TLE5: variants seen among roughly 807,000 people sequenced by gnomAD.
TLE5 encodes TLE family member 5.
Under a neutral mutation model 25.8 loss-of-function variants are expected in TLE5, and 7 were observed. The observed-to-expected ratio is 0.27, with a 90% CI of 0.15 to 0.51. The LOEUF is 0.51. TLE5 is among the 20% of genes least tolerant of loss of function. The pLI, the probability that TLE5 is intolerant of heterozygous loss-of-function variation, is 0.97. For missense variants in TLE5, 149 were observed against 250.7 expected (o/e 0.59, Z 2.74); for synonymous variants, 132 against 110.5 (o/e 1.20, Z -1.22).
At position 3,062,301 on chromosome 19, in the gene TLE5, G is replaced by A. The variant is rs907736672; in HGVS notation, c.-101C>T. The A allele has an allele frequency of 2.0e-6, 2 of 983,084 alleles. No individual in the cohort carries two copies. Among genetic ancestry groups the A allele is most frequent in the African/African-American group, 3.5e-5 (2 of 56,426 alleles). The allele number at this position is 983,084 out of a possible 1,614,324, so 60.9% of individuals were successfully genotyped here. On this transcript the variant is annotated 5_prime_UTR_variant, in exon 1 of 7. Transcript: ENST00000327141. ...CGCGCCTTTGTCCCGGCGCCGATCG[G>A]CAGCTCCCGGGGCCGCCGCCGCCTC...
chr19:3,056,338 CG>C lies in TLE5; in HGVS notation c.207del (p.Tyr69Ter). On this transcript the variant is annotated frameshift_variant, in exon 4 of 7. Transcript: ENST00000327141. LOFTEE classifies it high-confidence loss of function. ...RHYVMYYEMS[Y>X]GLNIEMHKQA... ...TGTTTGTGCATCTCGATGTTCAAGC[CG>C]TAGGACATCTCGTAGTACTGTATGG... is the stretch of plus-strand genomic sequence containing the variant. The C allele has an allele frequency of 6.6e-7, 1 of 1,519,530 alleles. No individual in the cohort carries two copies. The highest frequency in any genetic ancestry group is 8.8e-7 in the Non-Finnish European group (1 of 1,134,664). The allele number at this position is 1,519,530 out of a possible 1,614,324, so 94.1% of individuals were successfully genotyped here.
chr19:3,054,086 T>TCGGGGGGGGGGCGCC, intron 6 of TLE5, 34 bp downstream of exon 6: 1 of 1,512,808 alleles, frequency 6.6e-7, no homozygotes, highest in Non-Finnish European at 8.9e-7. Flanking sequence ...GGCCCACCTG[T>TCGGGGGGGGGGCGCC]CCCCCGCCCA....
rs548843845 is a variant in TLE5, at chr19:3,055,947, G to T, written c.235-221C>A. ...CACCGGCTGTCGCCTGCAGCTTAGA[G>T]TGAGGTAAGTGCAGGATGAGGCCAG... On this transcript the variant is annotated intron_variant, in intron 4 of 6. Transcript: ENST00000327141. The T allele has an allele frequency of 2.6e-5, 14 of 541,742 alleles. 2 individuals are homozygous for T. In the South Asian group the frequency reaches 3.7e-4, roughly 14 times the overall value. The allele number at this position is 541,742 out of a possible 1,614,324, so 33.6% of individuals were successfully genotyped here.
chr19:3,062,641 G>C (rs1023714098), upstream of TLE5: 7 of 1,203,426 alleles, frequency 5.8e-6, no homozygotes, highest in African/African-American at 9.5e-5. Flanking sequence ...GCCCGCCGCG[G>C]TGACCTTGGG....
chr19:3,058,320 CCTT>C (rs1305242429), intron 2 of TLE5, among the ~76,000 whole-genome samples: 21 of 152,160 alleles, frequency 1.4e-4, no homozygotes, highest in Non-Finnish European at 5.9e-5. Context: ...TTGTCACGCT[CCTT>C]TTATAGATGA....
intron 4 of TLE5, chr19:3,055,933 G>A (rs1487389823): frequency 2.9e-5 from 16 of 547,274 alleles, no homozygotes; most frequent in Non-Finnish European, 4.8e-5. Flanking sequence ...ACCGGCTGTC[G>A]CCTGCAGCTT....
chr19:3,060,272 C>T (rs1396478603), intron 2 of TLE5, among the ~76,000 whole-genome samples: 3 of 151,610 alleles, frequency 2.0e-5, no homozygotes, highest in Non-Finnish European at 2.9e-5. Context: ...ATGCTATGGA[C>T]ACCCCCGAGG....
At position 3,053,796 on chromosome 19, in the gene TLE5, A is replaced by T. The variant is rs146324597; in HGVS notation, c.*23T>A. 1,178 of 1,583,232 alleles carry T rather than the reference A, an allele frequency of 7.4e-4. 3 individuals carry two copies. The highest frequency in any genetic ancestry group is 8.9e-4 in the Non-Finnish European group (1,029 of 1,154,834). On this transcript the variant is annotated 3_prime_UTR_variant, in exon 7 of 7. Transcript: ENST00000327141. ...CTGTCTCCCCTCTGTCCCCCCTCCC[A>T]ACCTCCCTGTCCCGGCCCCCTGCTA...
rs425485 is a variant in TLE5 at position 3,053,804 on chromosome 19, T to C, written c.*15A>G. 1,100,372 of 1,605,634 alleles carry C rather than the reference T, an allele frequency of 0.69. 382,896 individuals are homozygous for C. The highest frequency in any genetic ancestry group is 0.81 in the African/African-American group (60,334 of 74,888). ...CCTCTGTCCCCCCTCCCAACCTCCC[T>C]GTCCCGGCCCCCTGCTAATCCGACT... On this transcript the variant is annotated 3_prime_UTR_variant, in exon 7 of 7. Transcript: ENST00000327141.
At chr19:3,056,673 G>A in intron 3 of TLE5, 1 of 559,140 alleles carries the variant, frequency 1.8e-6, no homozygotes, top group Non-Finnish European at 3.4e-6. Flanking sequence ...CGCATTCCAG[G>A]GCTCCTAATC....
rs1258783953 is a variant in TLE5 at position 3,055,987 on chromosome 19, G to C, written c.235-261C>G. The C allele has an allele frequency of 7.7e-6, 4 of 522,678 alleles. No homozygotes were observed. In the Admixed American group the frequency reaches 1.4e-4, roughly 18 times the overall value. The allele number at this position is 522,678 out of a possible 1,614,324, so 32.4% of individuals were successfully genotyped here. The stretch of plus-strand genomic sequence containing the variant: ...GATGAGGCCAGACTGCACATTCCTC[G>C]GGGGTCGGCCACTCAGGCCCCTGGC... On this transcript the variant is annotated intron_variant, in intron 4 of 6. Transcript: ENST00000327141.
intron 5 of TLE5, chr19:3,055,144 CCT>C (rs1346251754): frequency 6.6e-6 from 1 of 152,458 alleles, no homozygotes; most frequent in Non-Finnish European, 1.5e-5. Context: ...CATGCGTGTC[CCT>C]GTGCTGTCTG....
At chr19:3,060,328 CTTTTTTTTTTTTTTTTT>C (rs990199468) in intron 2 of TLE5, among the ~76,000 whole-genome samples, 2 of 93,216 alleles carry the variant, frequency 2.1e-5, no homozygotes, top group Admixed American at 2.6e-4. Flanking sequence ...TTTTTTCTTT[CTTTTTTTTTTTTTTTTT>C]TTTTTTTGAG....
At chr19:3,062,954 C>A (rs1475978777), upstream of TLE5, 1 of 788,546 alleles carries the variant, frequency 1.3e-6, no homozygotes, top group Admixed American at 2.2e-5. Context: ...GTGTGCCAGG[C>A]CCCGCTGCTC....
In TLE5 at chr19:3,052,912, A is replaced by C. The variant is rs2090186082; in HGVS notation, c.*907T>G. On this transcript the variant is annotated 3_prime_UTR_variant, in exon 7 of 7. Transcript: ENST00000327141. Reference sequence around the variant, plus strand: ...CACAGAGGCAGGGACACAGCACCGAAGCTTCTCACATCTTTATTGGAAAGG... The same window carrying C: ...CACAGAGGCAGGGACACAGCACCGACGCTTCTCACATCTTTATTGGAAAGG... 6.6e-6 allele frequency: 1 copy of C among 152,218 alleles called. No homozygotes were observed. Among genetic ancestry groups the C allele is most frequent in the South Asian group, 2.1e-4 (1 of 4,828 alleles). 9.4% of individuals were successfully genotyped at this position (152,218 alleles called of 1,614,324 possible).
At chr19:3,060,486 C>G (rs1164850089) in intron 2 of TLE5, among the ~76,000 whole-genome samples, 2 of 151,912 alleles carry the variant, frequency 1.3e-5, no homozygotes, top group Non-Finnish European at 2.9e-5. Context: ...GCGCCCGCCA[C>G]CACACCCAGC....
chr19:3,062,260 G>T lies in TLE5; in HGVS notation c.-60C>A. On this transcript the variant is annotated 5_prime_UTR_variant, in exon 1 of 7. Transcript: ENST00000327141. ...GCTGTGCGCCCCGGCTCGGGCTGCT[G>T]GGGGCGCCGGGCGGCCGCGCCTTTG... 9.6e-7 allele frequency: 1 copy of T among 1,044,670 alleles called. No homozygotes were observed. The highest frequency in any genetic ancestry group is 1.2e-6 in the Non-Finnish European group (1 of 868,034). The allele number at this position is 1,044,670 out of a possible 1,614,324, so 64.7% of individuals were successfully genotyped here.
In TLE5 at chr19:3,053,879, T is replaced by G. The variant is rs1599266919; in HGVS notation, c.534A>C (p.Glu178Asp). 6.2e-7 allele frequency: 1 copy of G among 1,613,272 alleles called. No homozygotes were observed. The highest frequency in any genetic ancestry group is 8.5e-7 in the Non-Finnish European group (1 of 1,179,976). The change falls in exon 7 of 7, where the codon GAA becomes GAC. Residue 178 changes from glutamate (E) to aspartate (D), a missense_variant. Glu to Asp is a conservative substitution (Grantham distance 45). Coordinates refer to ENST00000327141, the MANE Select transcript of TLE5 (RefSeq NM_001130.6). ...TGTCACCATCGTGCCCGTTCTTGTC[T>G]TCCTTGGAGAGGTGGGCCTGGGAAC... The part of the protein sequence containing the change: ...ALGSQAHLSK[E>D]DKNGHDGDTH...
At chr19:3,054,086 T>TCGGGGGGGGGGCCCCCCCCCCC in intron 6 of TLE5, 34 bp downstream of exon 6, 3 of 1,512,802 alleles carry the variant, frequency 2.0e-6, no homozygotes, top group Non-Finnish European at 2.7e-6. Context: ...GGCCCACCTG[T>TCGGGGGGGGGGCCCCCCCCCCC]CCCCCGCCCA....
Sources: allele counts gnomAD v4.1 joint callset (sites outside exome capture counted in the v4.1 genomes callset), GRCh38; gene constraint gnomAD v4.1.1; transcripts MANE v1.5; gene names NCBI Gene and HGNC (gene_info 2026-07-23, HGNC 2026-07-21).